Variants in NXPH1 observed in about 807,000 individuals in gnomAD.
NXPH1 encodes the protein neurexophilin-1.
Under a neutral mutation model 23.7 loss-of-function variants are expected in NXPH1, and 5 were observed. The ratio of observed to expected loss-of-function variants is 0.21; its 90% CI spans 0.11 to 0.44. The LOEUF (loss-of-function observed/expected upper bound fraction) is 0.44. Among genes scored for constraint, NXPH1 ranks in the 20% least tolerant of loss-of-function variants. The pLI is 0.99. For synonymous variants in NXPH1, 144 were observed against 122.2 expected (o/e 1.18, Z -1.18); for missense variants, 324 against 321.6 (o/e 1.01, Z -0.06).
chr7:8,503,095 A>T (rs985016260), intron 2 of NXPH1, among the ~76,000 whole-genome samples: 1 of 152,080 alleles, frequency 6.6e-6, no homozygotes, highest in African/African-American at 2.4e-5. Context: ...ACCAGCTGGC[A>T]AAGAGAAATA....
intron 2 of NXPH1, among the ~76,000 whole-genome samples, chr7:8,623,923 A>AG (rs1819934794): frequency 6.6e-6 from 1 of 152,100 alleles, no homozygotes; most frequent in South Asian, 2.1e-4. Flanking sequence ...TGGATCTAGA[A>AG]GAAGTATATG....
intron 2 of NXPH1, among the ~76,000 whole-genome samples, chr7:8,648,740 T>A (rs1320990496): frequency 2.0e-5 from 3 of 152,196 alleles, no homozygotes; most frequent in Non-Finnish European, 1.5e-5. Context: ...ACCAAATGTG[T>A]TTTCTTGAAA....
chr7:8,711,493 C>T (rs1014086456), intron 2 of NXPH1, among the ~76,000 whole-genome samples: 4 of 152,030 alleles, frequency 2.6e-5, no homozygotes, highest in African/African-American at 4.8e-5. Flanking sequence ...AGGCCATAGC[C>T]GGAAAACACA....
intron 2 of NXPH1, among the ~76,000 whole-genome samples, chr7:8,703,503 C>T (rs1266846966): frequency 6.6e-6 from 1 of 151,856 alleles, no homozygotes; most frequent in Admixed American, 6.6e-5. Flanking sequence ...AGGTGATATT[C>T]TGGGGTTGGT....
intron 2 of NXPH1, among the ~76,000 whole-genome samples, chr7:8,500,881 A>C (rs1817420040): frequency 6.6e-6 from 1 of 152,086 alleles, no homozygotes; most frequent in African/African-American, 2.4e-5. Flanking sequence ...ATAATGACGT[A>C]GGGGTCCCTT....
chr7:8,460,786 G>A (rs1816681173), intron 2 of NXPH1, among the ~76,000 whole-genome samples: 1 of 152,134 alleles, frequency 6.6e-6, no homozygotes, highest in African/African-American at 2.4e-5. Context: ...CCCAATTATT[G>A]ACCACCTATC....
intron 2 of NXPH1, among the ~76,000 whole-genome samples, chr7:8,736,794 A>G (rs1780264667): frequency 6.6e-6 from 1 of 152,196 alleles, no homozygotes; most frequent in Admixed American, 6.5e-5. Flanking sequence ...AATTTGCTTT[A>G]TGAATATGGG....
intron 2 of NXPH1, among the ~76,000 whole-genome samples, chr7:8,669,710 A>G (rs1038546484): frequency 2.6e-5 from 4 of 152,094 alleles, no homozygotes; most frequent in Non-Finnish European, 5.9e-5. Context: ...GGCCAAGTCC[A>G]CTGCTTTCTT....
At chr7:8,633,495 A>T (rs1562436840) in intron 2 of NXPH1, among the ~76,000 whole-genome samples, 1 of 152,196 alleles carries the variant, frequency 6.6e-6, no homozygotes, top group Admixed American at 6.5e-5. Context: ...GAAAGCGCAC[A>T]CACATTGTAC....
At chr7:8,710,977 T>A (rs1189540339) in intron 2 of NXPH1, among the ~76,000 whole-genome samples, 1 of 152,216 alleles carries the variant, frequency 6.6e-6, no homozygotes, top group Non-Finnish European at 1.5e-5. Context: ...GGTTTTATGA[T>A]AACACAAGGA....
intron 2 of NXPH1, among the ~76,000 whole-genome samples, chr7:8,459,342 A>G (rs1232212093): frequency 1.3e-5 from 2 of 152,158 alleles, no homozygotes; most frequent in African/African-American, 4.8e-5. Context: ...AAGTTCTTGG[A>G]GATGTGACAA....
intron 2 of NXPH1, among the ~76,000 whole-genome samples, chr7:8,506,563 C>T (rs1028837625): frequency 6.6e-6 from 1 of 152,028 alleles, no homozygotes; most frequent in African/African-American, 2.4e-5. Context: ...CATCTCTGCT[C>T]TCCCTGAGCA....
intron 2 of NXPH1, among the ~76,000 whole-genome samples, chr7:8,734,386 T>C (rs199690635): frequency 1.3e-5 from 2 of 152,136 alleles, no homozygotes; most frequent in Non-Finnish European, 1.5e-5. Flanking sequence ...TGAAATTTAA[T>C]GTAGTTTTTT....
At chr7:8,475,400 GAAAATTTGGT>G (rs1166777869) in intron 2 of NXPH1, among the ~76,000 whole-genome samples, 1 of 152,036 alleles carries the variant, frequency 6.6e-6, no homozygotes, top group African/African-American at 2.4e-5. Flanking sequence ...GATAATTTGG[GAAAATTTGGT>G]ATTAGGTATG....
chr7:8,694,382 A>G (rs753391470), intron 2 of NXPH1, among the ~76,000 whole-genome samples: 6 of 152,196 alleles, frequency 3.9e-5, no homozygotes, highest in South Asian at 4.1e-4. Context: ...AACAGAAAGT[A>G]TAGCTCAGTG....
chr7:8,444,951 G>C (rs1486733471), intron 2 of NXPH1, among the ~76,000 whole-genome samples: 1 of 152,098 alleles, frequency 6.6e-6, no homozygotes, highest in African/African-American at 2.4e-5. Flanking sequence ...GTGATTACCT[G>C]AGTGTCTTTG....
chr7:8,577,810 A>G (rs774091841), intron 2 of NXPH1, among the ~76,000 whole-genome samples: 1 of 152,168 alleles, frequency 6.6e-6, no homozygotes, highest in Non-Finnish European at 1.5e-5. Context: ...TGGGTCTTCC[A>G]TCTTGTTTCC....
At chr7:8,581,352 C>T (rs935919396) in intron 2 of NXPH1, among the ~76,000 whole-genome samples, 1 of 152,092 alleles carries the variant, frequency 6.6e-6, no homozygotes, top group African/African-American at 2.4e-5. Context: ...TACAGGAAGC[C>T]ATGGCTAGGG....
At chr7:8,719,060 G>A (rs577578768) in intron 2 of NXPH1, among the ~76,000 whole-genome samples, 8 of 152,316 alleles carry the variant, frequency 5.3e-5, no homozygotes, top group African/African-American at 1.9e-4. Flanking sequence ...AAAAATATGG[G>A]TGGAGAGAAA....
Sources: allele counts gnomAD v4.1 joint callset (sites outside exome capture counted in the v4.1 genomes callset), GRCh38; gene constraint gnomAD v4.1.1; transcripts MANE v1.5; gene names NCBI Gene and HGNC (gene_info 2026-07-23, HGNC 2026-07-21).